Variants in SMC2 observed in about 807,000 individuals in gnomAD.
SMC2 encodes structural maintenance of chromosomes 2, also known as structural maintenance of chromosomes protein 2.
SMC2 carries 41 observed loss-of-function variants against 142.6 expected under a neutral mutation model. That is an observed-to-expected ratio of 0.29 (90% CI 0.22 to 0.37). The LOEUF is 0.37. Among genes scored for constraint, SMC2 ranks in the 10% least tolerant of loss-of-function variants. The pLI is 1.00. For missense variants in SMC2, 1,265 were observed against 1,373.7 expected, an observed-to-expected ratio of 0.92 and a Z score of 1.25; for synonymous variants, 463 against 457.5, an observed-to-expected ratio of 1.01 and a Z score of -0.15.
intron 16 of SMC2, 132 bp from the exon 17 acceptor site, chr9:104,122,976 C>T (rs1057193399): frequency 5.8e-6 from 5 of 856,684 alleles, no homozygotes; most frequent in Admixed American, 3.8e-5. Context: ...AAAATTATTC[C>T]TGTAACCAGT....
rs1831249628 is a variant in SMC2, at chr9:104,102,369, T to C, written c.871-55T>C. On this transcript the variant is annotated intron_variant, in intron 8 of 24. Transcript: ENST00000374793. ...TTGATACAGAACTCATACAATAAAATGACAGCGTGAACAAATTTTACATAA... is the reference window on the plus strand; with the variant it reads ...TTGATACAGAACTCATACAATAAAACGACAGCGTGAACAAATTTTACATAA... 2.7e-6 allele frequency: 4 copies of C among 1,492,884 alleles called. No individual in the cohort carries two copies. The East Asian group carries it at 9.1e-5, about 34-fold the overall frequency. 92.5% of individuals were successfully genotyped at this position (1,492,884 alleles called of 1,614,324 possible).
chr9:104,101,460 C>G (rs532091270), intron 7 of SMC2, among the ~76,000 whole-genome samples: 1 of 152,268 alleles, frequency 6.6e-6, no homozygotes, highest in South Asian at 2.1e-4. Flanking sequence ...CTTTCTAAAT[C>G]TAACAACATG....
At chr9:104,105,309 A>G (rs146959397) in intron 9 of SMC2, among the ~76,000 whole-genome samples, 1 of 152,112 alleles carries the variant, frequency 6.6e-6, no homozygotes, top group Admixed American at 6.5e-5. Context: ...AGCATGCCCA[A>G]CGTACAGGAT....
chr9:104,089,349 G>A (rs1023059523), upstream of SMC2, among the ~76,000 whole-genome samples: 40 of 152,150 alleles, frequency 2.6e-4, no homozygotes, highest in African/African-American at 9.4e-4. Flanking sequence ...AATCTAGTAA[G>A]AATTGAGTTT....
intron 22 of SMC2, among the ~76,000 whole-genome samples, chr9:104,133,335 C>T (rs1835190190): frequency 6.6e-6 from 1 of 152,092 alleles, no homozygotes; most frequent in African/African-American, 2.4e-5. Flanking sequence ...AGCTGCCTGT[C>T]CCACACTTGG....
In SMC2 at chr9:104,096,151, C is replaced by T. The variant is rs979418822; in HGVS notation, c.172C>T (p.Arg58Trp). The stretch of plus-strand genomic sequence containing the variant: ...CACTTTTCATATTTTATTTTAGGTT[C>T]GGGCTTCTAATTTACAAGATTTAGT... ...LLGISNLSQV[R>W]ASNLQDLVYK... Residue 58 changes from arginine to tryptophan, a missense_variant, in exon 3 of 25, where the codon CGG (arginine) becomes TGG (tryptophan). By Grantham distance (101) the Arg-to-Trp change is moderately radical. Transcript: ENST00000374793. 1.9e-6 allele frequency: 3 copies of T among 1,611,264 alleles called. No individual in the cohort carries two copies. Among genetic ancestry groups the T allele is most frequent in the Non-Finnish European group, 2.5e-6 (3 of 1,178,916 alleles).
At chr9:104,092,128 A>C (rs995811129), upstream of SMC2, 4 of 152,184 alleles carry the variant, frequency 2.6e-5, no homozygotes, top group Non-Finnish European at 5.9e-5. Flanking sequence ...GTTAGTCATC[A>C]GTGATTTCCT....
chr9:104,102,306 C>G (rs1313577149), intron 8 of SMC2, 113 bp downstream of exon 8: 2 of 1,113,630 alleles, frequency 1.8e-6, no homozygotes, highest in East Asian at 2.5e-5. Context: ...ATTTGTTAAT[C>G]TTATAGTAAG....
At chr9:104,089,863 T>G (rs569741266), upstream of SMC2, among the ~76,000 whole-genome samples, 221 of 152,176 alleles carry the variant, frequency 1.5e-3, no homozygotes, top group Admixed American at 3.1e-3. Flanking sequence ...AACCAGGATA[T>G]TCTCCATCTC....
intron 3 of SMC2, among the ~76,000 whole-genome samples, chr9:104,097,458 C>G (rs1326634492): frequency 6.8e-6 from 1 of 146,164 alleles, no homozygotes; most frequent in Non-Finnish European, 1.5e-5. Context: ...TCCATCTTAT[C>G]ATTTATCACT....
intron 22 of SMC2, among the ~76,000 whole-genome samples, chr9:104,134,170 A>ATTTT (rs1451467317): frequency 1.3e-5 from 2 of 151,830 alleles, no homozygotes; most frequent in Non-Finnish European, 2.9e-5. Flanking sequence ...TATAGTAAAT[A>ATTTT]TTTTTTGCTT....
chr9:104,123,009 G>T, intron 16 of SMC2, 99 bp from the exon 17 acceptor site: 5 of 1,233,140 alleles, frequency 4.1e-6, no homozygotes, highest in Middle Eastern at 2.0e-4. Context: ...TGTTTATAAC[G>T]TATGTGAGTT....
chr9:104,134,445 A>G lies in SMC2; in HGVS notation c.3139A>G (p.Thr1047Ala), dbSNP rs200488464. The G allele has an allele frequency of 2.4e-5, 38 of 1,598,330 alleles. No individual in the cohort carries two copies. Among genetic ancestry groups the G allele is most frequent in the East Asian group, 2.2e-4 (10 of 44,736 alleles). Residue 1047 changes from threonine to alanine, a missense_variant, in exon 23 of 25, where the codon ACT becomes GCT. Physicochemically the swap from Thr to Ala is moderately conservative, Grantham distance 58. Coordinates refer to ENST00000374793, the MANE Select transcript of SMC2 (RefSeq NM_006444.3). ...CAAGGACTTTGGGTCTATTTTTTCT[A>G]CTCTTTTGCCTGGTGCTAATGCTAT... Reference protein sequence around the residue: ...VNKDFGSIFSTLLPGANAMLA... With the variant: ...VNKDFGSIFSALLPGANAMLA...
intron 23 of SMC2, among the ~76,000 whole-genome samples, chr9:104,137,464 A>C (rs1272316728): frequency 6.6e-6 from 1 of 152,168 alleles, no homozygotes; most frequent in Admixed American, 6.5e-5. Flanking sequence ...TGAACTTTTG[A>C]CAGTGATGTA....
At chr9:104,123,077 G>A in intron 16 of SMC2, 31 bp from the exon 17 acceptor site, 1 of 1,582,396 alleles carries the variant, frequency 6.3e-7, no homozygotes, top group Non-Finnish European at 8.6e-7. Context: ...AAAAATGACA[G>A]TCATTTCTTA....
Position 104,135,760 on chromosome 9 carries a change from A to G in SMC2, c.3269+1185A>G, listed in dbSNP as rs139168062. 1.6e-4 allele frequency: 79 copies of G among 496,586 alleles called. 1 individual carries two copies. The Admixed American group carries it at 1.7e-3, about 11-fold the overall frequency. 30.8% of individuals were successfully genotyped at this position (496,586 alleles called of 1,614,324 possible). On this transcript the variant is annotated intron_variant, in intron 23 of 24. Transcript: ENST00000374793. The stretch of plus-strand genomic sequence containing the variant: ...TAGACTTCTTGTTAAACACTATGTA[A>G]GCCAGAAGTCTGGAACATCCGTAAA...
chr9:104,132,927 A>G (rs775657718), intron 22 of SMC2, among the ~76,000 whole-genome samples: 21 of 151,802 alleles, frequency 1.4e-4, no homozygotes, highest in Non-Finnish European at 2.8e-4. Context: ...GCTCTTCCCA[A>G]ATTTCCAAGG....
chr9:104,111,582 A>C lies in SMC2; in HGVS notation c.1022A>C (p.Asp341Ala). 6.2e-7 allele frequency: 1 copy of C among 1,605,900 alleles called. No individual in the cohort carries two copies. The highest frequency in any genetic ancestry group is 1.7e-4 in the Middle Eastern group (1 of 6,030). ...RKELEKNMVE[D>A]SKTLAAKEKE... ...TTCCATTTGAAACTCTTCCTAAAGG[A>C]CTCAAAAACTTTAGCAGCAAAGGAA... Residue 341 changes from aspartate to alanine, a missense_variant and splice_region_variant, in exon 10 of 25, where the codon GAC (aspartate) becomes GCC (alanine). By Grantham distance (126) the Asp-to-Ala change is moderately radical. Coordinates refer to ENST00000374793, the MANE Select transcript of SMC2 (RefSeq NM_006444.3).
upstream of SMC2, among the ~76,000 whole-genome samples, chr9:104,091,187 C>A (rs1829977686): frequency 1.3e-5 from 2 of 152,168 alleles, no homozygotes; most frequent in African/African-American, 4.8e-5. Flanking sequence ...CTGAGAAACG[C>A]CTCATTAGGC....
Sources: allele counts gnomAD v4.1 joint callset (sites outside exome capture counted in the v4.1 genomes callset), GRCh38; gene constraint gnomAD v4.1.1; transcripts MANE v1.5; gene names NCBI Gene and HGNC (gene_info 2026-07-23, HGNC 2026-07-21).